The following TTC21B variants were observed in gnomAD, a reference collection of about 807,000 sequenced individuals.
TTC21B encodes the protein tetratricopeptide repeat protein 21B.
In TTC21B, 127 loss-of-function variants were observed where a neutral mutation model predicts 175.1. The ratio of observed to expected loss-of-function variants is 0.73; its 90% CI spans 0.63 to 0.84. The LOEUF is 0.84. Ranked by LOEUF, TTC21B falls within the 40% of genes least tolerant of loss-of-function variation. TTC21B has a pLI of 0.00. For synonymous variants in TTC21B, 524 were observed against 524.5 expected, an observed-to-expected ratio of 1.00 and a Z score of 0.01; for missense variants, 1,561 against 1,558.3, an observed-to-expected ratio of 1.00 and a Z score of -0.03.
chr2:165,888,130 A>G, intron 25 of TTC21B, 149 bp downstream of exon 25: 1 of 632,552 alleles, frequency 1.6e-6, no homozygotes, highest in South Asian at 2.0e-5. Flanking sequence ...CAAGAAGGGG[A>G]CATTGTGTAT....
chr2:165,906,955 CAAAAAA>C (rs1160627145), intron 19 of TTC21B, among the ~76,000 whole-genome samples: 2 of 60,266 alleles, frequency 3.3e-5, no homozygotes, highest in African/African-American at 1.4e-4. Flanking sequence ...AACTCCGTCT[CAAAAAA>C]AAAAAAAAAA....
intron 18 of TTC21B, among the ~76,000 whole-genome samples, chr2:165,910,280 G>A (rs1382605866): frequency 1.3e-5 from 2 of 152,092 alleles, no homozygotes; most frequent in Non-Finnish European, 2.9e-5. Flanking sequence ...GCAGGGGCCT[G>A]TAGTCCCAGC....
In TTC21B at chr2:165,898,715, T is replaced by C. The variant is rs1311327616; in HGVS notation, c.2921A>G (p.His974Arg). The C allele has an allele frequency of 1.2e-6, 2 of 1,613,582 alleles. No individual in the cohort carries two copies. The highest frequency in any genetic ancestry group is 1.7e-6 in the Non-Finnish European group (2 of 1,179,484). Residue 974 changes from histidine to arginine, a missense_variant, in exon 22 of 29, where the codon CAT becomes CGT. Coordinates refer to ENST00000243344, the MANE Select transcript of TTC21B (RefSeq NM_024753.5). ...RKQDYEQAVF[H>R]LQQLLERKPD... The stretch of plus-strand genomic sequence containing the variant: ...CTTACGTTCTAAAAGCTGCTGTAAA[T>C]GAAACACTGCTTGTTCATAGTCTTG...
intron 22 of TTC21B, among the ~76,000 whole-genome samples, chr2:165,894,678 G>A (rs1459175212): frequency 6.6e-6 from 1 of 152,056 alleles, no homozygotes; most frequent in Non-Finnish European, 1.5e-5. Flanking sequence ...AGGTTCAAGC[G>A]ATTCTCCTGC....
At chr2:165,950,653 C>A (rs1057324466) in intron 1 of TTC21B, among the ~76,000 whole-genome samples, 5 of 152,204 alleles carry the variant, frequency 3.3e-5, no homozygotes, top group African/African-American at 1.2e-4. Context: ...TTCTGTCACT[C>A]AGGCTGGAGT....
intron 19 of TTC21B, among the ~76,000 whole-genome samples, chr2:165,905,174 A>G (rs1685686371): frequency 6.6e-6 from 1 of 151,974 alleles, no homozygotes; most frequent in Non-Finnish European, 1.5e-5. Flanking sequence ...TAGAATTTGG[A>G]TAAGAAGAAA....
Position 165,901,721 on chromosome 2 carries a change from C to A in TTC21B, c.2757+1G>T, listed in dbSNP as rs753827127. 5.0e-6 allele frequency: 8 copies of A among 1,613,132 alleles called. No homozygotes were observed. Among genetic ancestry groups the A allele is most frequent in the Non-Finnish European group, 6.8e-6 (8 of 1,179,244 alleles). ...ATTTAAAATTTTATAAAGGTACTGACCTTATTATCTGTTTCGCAGTGAACC... is the reference window on the plus strand; with the variant it reads ...ATTTAAAATTTTATAAAGGTACTGAACTTATTATCTGTTTCGCAGTGAACC... On this transcript the variant is annotated splice_donor_variant, in intron 20 of 28. Transcript: ENST00000243344. LOFTEE classifies it high-confidence loss of function.
At chr2:165,910,633 TA>T (rs1685898099) in intron 18 of TTC21B, among the ~76,000 whole-genome samples, 2 of 152,150 alleles carry the variant, frequency 1.3e-5, no homozygotes, top group African/African-American at 4.8e-5. Flanking sequence ...GAAAATTAAG[TA>T]ATTTATTGGT....
intron 19 of TTC21B, 122 bp downstream of exon 19, chr2:165,907,556 G>A (rs1255585043): frequency 1.0e-5 from 7 of 695,260 alleles, no homozygotes; most frequent in African/African-American, 3.5e-5. Flanking sequence ...TAAGTATTTT[G>A]ATTTTGACAT....
chr2:165,949,540 T>G lies in TTC21B; in HGVS notation c.152-36A>C, dbSNP rs780207112. On this transcript the variant is annotated intron_variant, in intron 2 of 28. Coordinates refer to ENST00000243344, the MANE Select transcript of TTC21B (RefSeq NM_024753.5). ...AGATTATGATATGAAAAACTGTTCT[T>G]AGTGCAAAGCAAGAATTTAAAACTG... The G allele has an allele frequency of 5.0e-6, 8 of 1,613,698 alleles. No individual in the cohort carries two copies. The South Asian group carries it at 8.8e-5, about 18-fold the overall frequency.
chr2:165,906,249 G>A (rs1574087385), intron 19 of TTC21B, among the ~76,000 whole-genome samples: 1 of 66,464 alleles, frequency 1.5e-5, no homozygotes, highest in Non-Finnish European at 2.8e-5. Context: ...ACTATTTCAA[G>A]AGGCTAAAAA....
rs754378302 is a variant in TTC21B at position 165,929,140 on chromosome 2, T to C, written c.1381A>G (p.Met461Val). 10 of 1,612,594 alleles carry C rather than the reference T, an allele frequency of 6.2e-6. No homozygotes were observed. Among genetic ancestry groups the C allele is most frequent in the Non-Finnish European group, 7.6e-6 (9 of 1,178,990 alleles). Reference sequence around the variant, plus strand: ...TAAGTCCCATAATTACTTACCTGCATTGGACAGAAGCTCAGATACTCCATA... The same window carrying C: ...TAAGTCCCATAATTACTTACCTGCACTGGACAGAAGCTCAGATACTCCATA... ...IVMEYLSFCP[M>V]QPASPGQPLC... Residue 461 changes from methionine (M) to valine (V), a missense_variant, in exon 11 of 29, where the codon ATG (methionine) becomes GTG (valine). Transcript: ENST00000243344.
chr2:165,943,902 C>A (rs989272303), intron 4 of TTC21B, among the ~76,000 whole-genome samples: 4 of 151,906 alleles, frequency 2.6e-5, no homozygotes, highest in Non-Finnish European at 5.9e-5. Flanking sequence ...TGTTAGTGGG[C>A]CGATGGGTTG....
chr2:165,882,824 A>G (rs1390062958), intron 26 of TTC21B, among the ~76,000 whole-genome samples: 3 of 152,182 alleles, frequency 2.0e-5, no homozygotes, highest in African/African-American at 7.2e-5. Context: ...TTCTCATGCA[A>G]TCTTGGTTAA....
At position 165,874,460 on chromosome 2, in the gene TTC21B, T is replaced by G; in HGVS notation, c.*295A>C. 1 of 244,930 alleles carries G rather than the reference T, an allele frequency of 4.1e-6. No homozygotes were observed. The highest frequency in any genetic ancestry group is 8.0e-6 in the Non-Finnish European group (1 of 125,240). The allele number at this position is 244,930 out of a possible 1,614,324, so 15.2% of individuals were successfully genotyped here. A position where few individuals can be genotyped will look rare whatever the true frequency, so the allele number is the denominator to read the frequency against. ...TTAGAAAAGATACAGGGTATTTAATTACCTAGATTTTAACAAAATATTCTT... is the reference window on the plus strand; with the variant it reads ...TTAGAAAAGATACAGGGTATTTAATGACCTAGATTTTAACAAAATATTCTT... On this transcript the variant is annotated 3_prime_UTR_variant, in exon 29 of 29. Coordinates refer to ENST00000243344, the MANE Select transcript of TTC21B (RefSeq NM_024753.5).
At chr2:165,933,960 G>T (rs971183702) in intron 6 of TTC21B, 10 of 152,098 alleles carry the variant, frequency 6.6e-5, no homozygotes, top group Admixed American at 2.0e-4. Context: ...ACTATTGGAG[G>T]TGACAAGAGT....
intron 17 of TTC21B, among the ~76,000 whole-genome samples, chr2:165,911,700 T>C (rs559301838): frequency 4.6e-5 from 7 of 151,498 alleles, no homozygotes; most frequent in Admixed American, 3.3e-4. Context: ...TCTCACTCCA[T>C]CACCCAGGCT....
rs113588383 is a variant in TTC21B at position 165,924,384 on chromosome 2, G to C, written c.1516+165C>G. Among the ~76,000 whole-genome samples, 827 of 152,224 alleles carry C rather than the reference G, an allele frequency of 5.4e-3. 9 individuals carry two copies. Among genetic ancestry groups the C allele is most frequent in the African/African-American group, 0.019 (776 of 41,548 alleles). ...ATAGTAATTTTTAAAGGATTAAAGA[G>C]TAAGTTATGCAATTCTATTTTGGAT... On this transcript the variant is annotated intron_variant, in intron 12 of 28. Transcript: ENST00000243344.
chr2:165,935,662 A>C (rs543007942), intron 6 of TTC21B, among the ~76,000 whole-genome samples: 1 of 152,342 alleles, frequency 6.6e-6, no homozygotes, highest in East Asian at 1.9e-4. Flanking sequence ...TTTCCTATGC[A>C]CTAGCAATGA....
Sources: allele counts gnomAD v4.1 joint callset (sites outside exome capture counted in the v4.1 genomes callset), GRCh38; gene constraint gnomAD v4.1.1; transcripts MANE v1.5; gene names NCBI Gene and HGNC (gene_info 2026-07-23, HGNC 2026-07-21).